Variants in AIG1 observed in about 807,000 individuals in gnomAD.
AIG1 encodes the protein androgen induced 1.
A neutral mutation model predicts 31.4 loss-of-function variants in AIG1; 23 were observed. The observed-to-expected ratio is 0.73, with a 90% CI of 0.53 to 1.04. AIG1 has a LOEUF of 1.04. Ranked by LOEUF, AIG1 falls within the 50% of genes least tolerant of loss-of-function variation. The pLI is 0.00. For synonymous variants in AIG1, 100 were observed against 110.5 expected (o/e 0.90, Z 0.60); for missense variants, 274 against 295.0 (o/e 0.93, Z 0.52).
Position 143,232,488 on chromosome 6 carries a change from G to A in AIG1, c.400-51622G>A, listed in dbSNP as rs1021277941. Among the ~76,000 whole-genome samples, 5 of 152,234 alleles carry A rather than the reference G, an allele frequency of 3.3e-5. No individual in the cohort carries two copies. The East Asian group carries it at 9.7e-4, about 29-fold the overall frequency. On this transcript the variant is annotated intron_variant, in intron 3 of 5. Coordinates refer to ENST00000357847, the MANE Select transcript of AIG1 (RefSeq NM_016108.4). The stretch of plus-strand genomic sequence containing the variant: ...GTGTGCAGGCCAGCTGTCCCTGATT[G>A]TAAGGTATACATCAAAGGGAACTAT...
chr6:143,323,350 G>T (rs1776367524), intron 4 of AIG1, among the ~76,000 whole-genome samples: 1 of 152,116 alleles, frequency 6.6e-6, no homozygotes, highest in Non-Finnish European at 1.5e-5. Flanking sequence ...GCATAAGCCT[G>T]CCCCATGTAT....
At chr6:143,185,859 A>G (rs1789212567) in intron 3 of AIG1, among the ~76,000 whole-genome samples, 1 of 152,116 alleles carries the variant, frequency 6.6e-6, no homozygotes, top group African/African-American at 2.4e-5. Flanking sequence ...AGGAAATACA[A>G]TTATTTTCTC....
intron 4 of AIG1, among the ~76,000 whole-genome samples, chr6:143,318,335 T>C (rs960099889): frequency 6.6e-6 from 1 of 151,994 alleles, no homozygotes; most frequent in Non-Finnish European, 1.5e-5. Flanking sequence ...GCCAAATACT[T>C]ACAGCCACTG....
chr6:143,264,733 G>A (rs1314578726), intron 3 of AIG1, among the ~76,000 whole-genome samples: 1 of 152,196 alleles, frequency 6.6e-6, no homozygotes, highest in Non-Finnish European at 1.5e-5. Flanking sequence ...GCGTGTTATT[G>A]ATTGGTTTCT....
At chr6:143,198,812 C>G (rs1055234129) in intron 3 of AIG1, among the ~76,000 whole-genome samples, 1 of 152,192 alleles carries the variant, frequency 6.6e-6, no homozygotes, top group Admixed American at 6.5e-5. Context: ...CCAAAAGTTG[C>G]AGGGTTGCAC....
At chr6:143,122,185 A>AACATATATT (rs552767785) in intron 1 of AIG1, among the ~76,000 whole-genome samples, 43 of 152,302 alleles carry the variant, frequency 2.8e-4, no homozygotes, top group Admixed American at 7.2e-4. Flanking sequence ...TTAGAAAAAG[A>AACATATATT]AACATATATT....
At chr6:143,066,372 A>C (rs1776713723) in intron 1 of AIG1, among the ~76,000 whole-genome samples, 2 of 151,970 alleles carry the variant, frequency 1.3e-5, no homozygotes, top group Non-Finnish European at 2.9e-5. Context: ...TCCCAGGTTC[A>C]AGAAATTCTC....
intron 4 of AIG1, among the ~76,000 whole-genome samples, chr6:143,304,431 A>G (rs1799090122): frequency 6.6e-6 from 1 of 152,074 alleles, no homozygotes; most frequent in Admixed American, 6.6e-5. Flanking sequence ...AGTTTTTAGC[A>G]TGAAGCGTTG....
chr6:143,156,227 T>C (rs1449827628), intron 2 of AIG1, among the ~76,000 whole-genome samples: 1 of 152,228 alleles, frequency 6.6e-6, no homozygotes, highest in African/African-American at 2.4e-5. Flanking sequence ...GTGGCCTTGT[T>C]GGAAATTGGG....
chr6:143,072,136 A>T (rs1414019588), intron 1 of AIG1, among the ~76,000 whole-genome samples: 2 of 152,066 alleles, frequency 1.3e-5, no homozygotes, highest in Non-Finnish European at 2.9e-5. Context: ...AACGACGTTG[A>T]ATATATTTTC....
chr6:143,158,575 A>G (rs1786021535), intron 2 of AIG1, among the ~76,000 whole-genome samples: 1 of 152,158 alleles, frequency 6.6e-6, no homozygotes, highest in Non-Finnish European at 1.5e-5. Flanking sequence ...TGACTTAAGG[A>G]AAGAGAGCTT....
In AIG1 at chr6:143,243,610, T is replaced by A. The variant is rs989215040; in HGVS notation, c.400-40500T>A. Among the ~76,000 whole-genome samples the A allele has an allele frequency of 2.0e-5, 3 of 152,226 alleles. No individual in the cohort carries two copies. The East Asian group carries it at 5.8e-4, about 29-fold the overall frequency. ...TGATCTTAAGTCACCCCAAATTAAC[T>A]TGTACATTTTATTTGGCAGTAGACA... On this transcript the variant is annotated intron_variant, in intron 3 of 5. Transcript: ENST00000357847.
chr6:143,289,110 G>C (rs1797884500), intron 4 of AIG1, among the ~76,000 whole-genome samples: 1 of 152,104 alleles, frequency 6.6e-6, no homozygotes, highest in South Asian at 2.1e-4. Context: ...AATGGCATCA[G>C]GCTCTTTGTT....
chr6:143,171,441 TA>T (rs1562453980), intron 3 of AIG1, among the ~76,000 whole-genome samples: 2 of 86,518 alleles, frequency 2.3e-5, no homozygotes, highest in African/African-American at 1.1e-4. Context: ...AATATATATA[TA>T]ATATATATAT....
chr6:143,343,118 C>T, downstream of AIG1: 1 of 766,154 alleles, frequency 1.3e-6, no homozygotes, highest in South Asian at 1.4e-5. Flanking sequence ...ACTAAGATCC[C>T]AGAAGGGAGG....
chr6:143,164,822 G>C, intron 2 of AIG1: 1 of 325,574 alleles, frequency 3.1e-6, no homozygotes, highest in Non-Finnish European at 5.7e-6. Flanking sequence ...ACGAAAACAG[G>C]CCTCTTCTCT....
rs1797828072 is a variant in AIG1, at chr6:143,288,264, A to G, written c.515+4039A>G. On this transcript the variant is annotated intron_variant, in intron 4 of 5. Coordinates refer to ENST00000357847, the MANE Select transcript of AIG1 (RefSeq NM_016108.4). The surrounding 1 kb of genome is among the most constrained non-coding windows in gnomAD (Gnocchi z 4.4). Reference sequence around the variant, plus strand: ...AGACCCTAGGAAATGTACACCCTCAAAGCTTCAAGAATGGTCTCTCTCCTA... The same window carrying G: ...AGACCCTAGGAAATGTACACCCTCAGAGCTTCAAGAATGGTCTCTCTCCTA... 6.6e-6 allele frequency among the ~76,000 whole-genome samples: 1 copy of G among 151,936 alleles called. No homozygotes were observed. Among genetic ancestry groups the G allele is most frequent in the African/African-American group, 2.4e-5 (1 of 41,328 alleles).
At chr6:143,090,229 A>G (rs1340491127) in intron 1 of AIG1, among the ~76,000 whole-genome samples, 2 of 152,160 alleles carry the variant, frequency 1.3e-5, no homozygotes, top group Non-Finnish European at 2.9e-5. Flanking sequence ...TCATCTTCTC[A>G]GTGCTTTAAT....
At chr6:143,233,663 G>T (rs79904738) in intron 3 of AIG1, among the ~76,000 whole-genome samples, 4 of 152,028 alleles carry the variant, frequency 2.6e-5, no homozygotes, top group Admixed American at 1.3e-4. Flanking sequence ...AGCCAGATTG[G>T]TTACACTTTA....
Sources: allele counts gnomAD v4.1 joint callset (sites outside exome capture counted in the v4.1 genomes callset), GRCh38; gene constraint gnomAD v4.1.1; non-coding constraint Gnocchi (gnomAD v3.1); transcripts MANE v1.5; gene names NCBI Gene and HGNC (gene_info 2026-07-23, HGNC 2026-07-21).